The following UTRN variants were observed in gnomAD, a reference collection of about 807,000 sequenced individuals.
UTRN encodes utrophin, also known as dystrophin-related protein 1.
In UTRN, 283 loss-of-function variants were observed where a neutral mutation model predicts 463.9. The ratio of observed to expected loss-of-function variants is 0.61; its 90% CI spans 0.55 to 0.67. The LOEUF (loss-of-function observed/expected upper bound fraction) is 0.67. Ranked by LOEUF, UTRN falls within the 30% of genes least tolerant of loss-of-function variation. UTRN has a pLI of 0.00. For synonymous variants in UTRN, 1,442 were observed against 1,431.5 expected, an observed-to-expected ratio of 1.01 and a Z score of -0.17; for missense variants, 3,922 against 4,084.3, an observed-to-expected ratio of 0.96 and a Z score of 1.08.
chr6:144,677,704 T>G (rs1781784200), intron 51 of UTRN, among the ~76,000 whole-genome samples: 1 of 152,194 alleles, frequency 6.6e-6, no homozygotes, highest in Non-Finnish European at 1.5e-5. Context: ...TCTTCCACAA[T>G]GGTTGTACTA....
intron 46 of UTRN, among the ~76,000 whole-genome samples, chr6:144,544,202 ATCTTAGTATG>A (rs893599998): frequency 6.6e-5 from 10 of 152,158 alleles, no homozygotes; most frequent in African/African-American, 2.4e-4. Flanking sequence ...CCTGAAGCTA[ATCTTAGTATG>A]TCTCTCTCCT....
intron 2 of UTRN, among the ~76,000 whole-genome samples, chr6:144,325,103 T>C (rs1775897275): frequency 2.0e-5 from 3 of 152,190 alleles, no homozygotes; most frequent in African/African-American, 4.8e-5. Flanking sequence ...AGGCTCTGAA[T>C]AGACATCAGG....
At chr6:144,462,586 GC>G in intron 22 of UTRN, 67 bp from the exon 23 acceptor site, 12 of 1,405,956 alleles carry the variant, frequency 8.5e-6, no homozygotes, top group Non-Finnish European at 1.1e-5. Context: ...ACTTTATATA[GC>G]CCATTTTACT....
chr6:144,338,103 G>A (rs887014670), intron 2 of UTRN, among the ~76,000 whole-genome samples: 5 of 152,190 alleles, frequency 3.3e-5, no homozygotes, highest in Non-Finnish European at 7.4e-5. Flanking sequence ...AGCCCATGAA[G>A]TACCATCCTT....
rs564515629 is a variant in UTRN at position 144,451,957 on chromosome 6, G to A, written c.2196+464G>A. Reference sequence around the variant, plus strand: ...AAAGGTGTGGGATCTTAGCCCTGCCGCTTTCCATGCTTATGTGTGTTTCTG... The same window carrying A: ...AAAGGTGTGGGATCTTAGCCCTGCCACTTTCCATGCTTATGTGTGTTTCTG... On this transcript the variant is annotated intron_variant, in intron 18 of 74. Transcript: ENST00000367545. Among the ~76,000 whole-genome samples, 262 of 152,216 alleles carry A rather than the reference G, an allele frequency of 1.7e-3. 1 individual carries two copies. The highest frequency in any genetic ancestry group is 5.8e-3 in the African/African-American group (240 of 41,534).
intron 59 of UTRN, among the ~76,000 whole-genome samples, chr6:144,773,104 A>G (rs1233373252): frequency 1.3e-5 from 2 of 152,176 alleles, no homozygotes; most frequent in Non-Finnish European, 2.9e-5. Context: ...TTTTAACTCT[A>G]CTAATCTCTG....
At chr6:144,798,338 G>A (rs1293990297) in intron 64 of UTRN, among the ~76,000 whole-genome samples, 1 of 152,148 alleles carries the variant, frequency 6.6e-6, no homozygotes, top group Non-Finnish European at 1.5e-5. Context: ...ATATTCTGAG[G>A]TCTTGGGGTC....
chr6:144,424,229 A>C (rs1785098707), intron 6 of UTRN, 151 bp downstream of exon 6: 1 of 792,514 alleles, frequency 1.3e-6, no homozygotes. Context: ...CAGAAGTCCA[A>C]GATCAAGGCA....
chr6:144,607,602 T>G (rs779815275), intron 51 of UTRN, among the ~76,000 whole-genome samples: 1 of 152,224 alleles, frequency 6.6e-6, no homozygotes, highest in Admixed American at 6.5e-5. Context: ...TTTTGGGCAC[T>G]TTGAAACTTT....
intron 44 of UTRN, among the ~76,000 whole-genome samples, chr6:144,538,669 C>CA (rs58250042): frequency 0.11 from 8,964 of 78,738 alleles, 360 homozygotes; most frequent in Non-Finnish European, 0.14. Flanking sequence ...GACTCCGTCT[C>CA]AAAAAAAAAA....
At chr6:144,577,998 T>G (rs1801604325) in intron 51 of UTRN, among the ~76,000 whole-genome samples, 1 of 151,970 alleles carries the variant, frequency 6.6e-6, no homozygotes, top group South Asian at 2.1e-4. Flanking sequence ...AGGTCAGGAG[T>G]TTGAGACCAG....
chr6:144,732,223 T>TATATATAC (rs1788627774), intron 54 of UTRN, among the ~76,000 whole-genome samples: 2 of 43,454 alleles, frequency 4.6e-5, no homozygotes, highest in African/African-American at 2.1e-4. Context: ...TTTATATATA[T>TATATATAC]ATATATATAT....
chr6:144,498,002 C>G (rs546538628), intron 33 of UTRN, among the ~76,000 whole-genome samples: 1 of 152,248 alleles, frequency 6.6e-6, no homozygotes, highest in South Asian at 2.1e-4. Flanking sequence ...ATGTAAGTAG[C>G]AAGAAGTGGT....
chr6:144,588,307 T>C (rs1802673826), intron 51 of UTRN, among the ~76,000 whole-genome samples: 1 of 152,192 alleles, frequency 6.6e-6, no homozygotes, highest in Admixed American at 6.5e-5. Flanking sequence ...TAAAAAGTTA[T>C]CCAATTAACT....
intron 54 of UTRN, 21 bp downstream of exon 54, chr6:144,730,507 A>G (rs778601012): frequency 6.3e-6 from 10 of 1,586,520 alleles, no homozygotes; most frequent in African/African-American, 1.4e-5. Flanking sequence ...TTTCTCCACT[A>G]CATCATAAAA....
At chr6:144,399,277 T>G (rs1169539190) in intron 2 of UTRN, among the ~76,000 whole-genome samples, 1 of 152,106 alleles carries the variant, frequency 6.6e-6, no homozygotes, top group East Asian at 1.9e-4. Context: ...TGATTGGGTG[T>G]GATGAAACAA....
rs187531489 is a variant in UTRN at position 144,389,621 on chromosome 6, C to T, written c.80-13502C>T. On this transcript the variant is annotated intron_variant, in intron 2 of 74. Transcript: ENST00000367545. ...CTCTTTTTTTTTTCCCCCCCTGAGA[C>T]GGGGTCTGGCTGTGTTGCCCAGGCT... is the stretch of plus-strand genomic sequence containing the variant. Among the ~76,000 whole-genome samples the T allele has an allele frequency of 2.9e-3, 435 of 151,548 alleles. 8 individuals carry two copies. Among genetic ancestry groups the T allele is most frequent in the Non-Finnish European group, 2.2e-3 (149 of 67,890 alleles).
chr6:144,396,307 A>C (rs1287962449), intron 2 of UTRN, among the ~76,000 whole-genome samples: 1 of 152,204 alleles, frequency 6.6e-6, no homozygotes, highest in Non-Finnish European at 1.5e-5. Flanking sequence ...TTCCACTTAC[A>C]TGACATATCT....
intron 49 of UTRN, 25 bp downstream of exon 49, chr6:144,554,918 G>A (rs765419178): frequency 2.5e-6 from 4 of 1,611,820 alleles, no homozygotes; most frequent in Middle Eastern, 1.6e-4. Flanking sequence ...ATATTTTTTG[G>A]CAGTATTGTT....
Sources: allele counts gnomAD v4.1 joint callset (sites outside exome capture counted in the v4.1 genomes callset), GRCh38; gene constraint gnomAD v4.1.1; transcripts MANE v1.5; gene names NCBI Gene and HGNC (gene_info 2026-07-23, HGNC 2026-07-21).